The following NKAIN3 variants were observed in gnomAD, a reference collection of about 807,000 sequenced individuals.
NKAIN3 encodes the protein sodium/potassium-transporting ATPase subunit beta-1-interacting protein 3.
Under a neutral mutation model 30.2 loss-of-function variants are expected in NKAIN3, and 25 were observed. The observed-to-expected ratio is 0.83, with a 90% CI of 0.60 to 1.16. The LOEUF (loss-of-function observed/expected upper bound fraction) is 1.16, where lower values mean the gene tolerates loss of function less well. NKAIN3 is among the 50% of genes most tolerant of loss of function. The pLI is 0.00. For missense variants in NKAIN3, 225 were observed against 254.1 expected (o/e 0.89, Z 0.78); for synonymous variants, 91 against 89.6 (o/e 1.02, Z -0.09).
chr8:62,331,020 A>G (rs1489583814), intron 1 of NKAIN3, among the ~76,000 whole-genome samples: 2 of 148,242 alleles, frequency 1.3e-5, no homozygotes, highest in Non-Finnish European at 3.0e-5. Context: ...CTCTATATAT[A>G]TGTATGTATC....
chr8:62,386,022 A>G (rs558283083), intron 1 of NKAIN3, among the ~76,000 whole-genome samples: 3 of 152,310 alleles, frequency 2.0e-5, no homozygotes, highest in South Asian at 4.1e-4. Flanking sequence ...GCTCCTCCAC[A>G]TGGTGGTCTC....
chr8:62,589,382 G>C (rs2130102092), intron 2 of NKAIN3, among the ~76,000 whole-genome samples: 1 of 151,834 alleles, frequency 6.6e-6, no homozygotes, highest in Admixed American at 6.6e-5. Context: ...AGAGCTCACA[G>C]AAGATTTGCA....
At chr8:62,919,290 G>A (rs1409733538) in intron 5 of NKAIN3, among the ~76,000 whole-genome samples, 1 of 118,644 alleles carries the variant, frequency 8.4e-6, no homozygotes, top group Non-Finnish European at 1.6e-5. Flanking sequence ...TGTCGCCCAG[G>A]CTGGAGTGCA....
At chr8:62,563,499 T>G (rs2129987763) in intron 1 of NKAIN3, among the ~76,000 whole-genome samples, 1 of 152,274 alleles carries the variant, frequency 6.6e-6, no homozygotes, top group African/African-American at 2.4e-5. Flanking sequence ...TAGTGCTGCT[T>G]GAAAACAAGT....
At chr8:62,786,927 C>G (rs1817539042) in intron 4 of NKAIN3, among the ~76,000 whole-genome samples, 1 of 152,144 alleles carries the variant, frequency 6.6e-6, no homozygotes, top group African/African-American at 2.4e-5. Flanking sequence ...GGTGAGCTAT[C>G]AAACCCACAG....
chr8:62,496,253 G>A (rs775189230), intron 1 of NKAIN3, among the ~76,000 whole-genome samples: 1 of 152,104 alleles, frequency 6.6e-6, no homozygotes, highest in Non-Finnish European at 1.5e-5. Context: ...CATTATTAAT[G>A]AGGTCCCTTT....
At chr8:62,404,012 G>T (rs904895791) in intron 1 of NKAIN3, among the ~76,000 whole-genome samples, 1 of 152,260 alleles carries the variant, frequency 6.6e-6, no homozygotes, top group African/African-American at 2.4e-5. Flanking sequence ...TGCCCTGGAT[G>T]TGAGACATGA....
intron 4 of NKAIN3, among the ~76,000 whole-genome samples, chr8:62,892,662 C>T (rs1188942673): frequency 6.6e-6 from 1 of 151,550 alleles, no homozygotes; most frequent in Non-Finnish European, 1.5e-5. Context: ...GAAAGGTACT[C>T]TCATGTCAAA....
At chr8:62,423,967 G>GT (rs996266446) in intron 1 of NKAIN3, among the ~76,000 whole-genome samples, 29 of 152,008 alleles carry the variant, frequency 1.9e-4, no homozygotes, top group African/African-American at 5.8e-4. Flanking sequence ...TTTGTGGTCT[G>GT]TTTTTTTGTA....
intron 1 of NKAIN3, among the ~76,000 whole-genome samples, chr8:62,458,519 C>G (rs900352652): frequency 7.9e-5 from 12 of 152,200 alleles, no homozygotes; most frequent in African/African-American, 2.9e-4. Context: ...CTTGAGTCAT[C>G]TGTCACTGTG....
chr8:62,328,214 A>G (rs1159107908), intron 1 of NKAIN3, among the ~76,000 whole-genome samples: 1 of 152,130 alleles, frequency 6.6e-6, no homozygotes, highest in Non-Finnish European at 1.5e-5. Flanking sequence ...ATCTATTACT[A>G]TAATAATGTG....
rs575631055 is a variant in NKAIN3 at position 62,497,615 on chromosome 8, C to T, written c.55-81924C>T. Among the ~76,000 whole-genome samples, 159 of 152,078 alleles carry T rather than the reference C, an allele frequency of 1.0e-3. 1 individual carries two copies. Among genetic ancestry groups the T allele is most frequent in the Non-Finnish European group, 1.4e-3 (94 of 67,960 alleles). On this transcript the variant is annotated intron_variant, in intron 1 of 6. Transcript: ENST00000623646. The stretch of plus-strand genomic sequence containing the variant: ...TGGAGACACACCAGAGAATTTTATT[C>T]TATGTCAGAGGAGGCCAATTACAGT...
At chr8:62,254,733 A>C (rs1812213541) in intron 1 of NKAIN3, among the ~76,000 whole-genome samples, 1 of 152,216 alleles carries the variant, frequency 6.6e-6, no homozygotes, top group South Asian at 2.1e-4. Context: ...GTGGAAGCAA[A>C]GTCAACATAA....
intron 4 of NKAIN3, among the ~76,000 whole-genome samples, chr8:62,777,006 A>C (rs985164142): frequency 1.3e-5 from 2 of 152,160 alleles, no homozygotes; most frequent in African/African-American, 4.8e-5. Flanking sequence ...TTCCTTCAAC[A>C]CTTTAAATAT....
At chr8:62,904,923 C>A (rs562060088) in intron 4 of NKAIN3, among the ~76,000 whole-genome samples, 3 of 152,190 alleles carry the variant, frequency 2.0e-5, no homozygotes, top group East Asian at 1.9e-4. Context: ...GAAGCAGATT[C>A]TCTCCCTGAT....
chr8:62,884,512 C>A (rs2130817757), intron 4 of NKAIN3, among the ~76,000 whole-genome samples: 1 of 152,314 alleles, frequency 6.6e-6, no homozygotes, highest in South Asian at 2.1e-4. Context: ...CCACCTCGGC[C>A]TCCCAAAGTG....
intron 1 of NKAIN3, among the ~76,000 whole-genome samples, chr8:62,564,546 TG>T (rs1255165342): frequency 2.6e-5 from 4 of 152,200 alleles, no homozygotes; most frequent in Non-Finnish European, 5.9e-5. Context: ...TTTCTCCTTG[TG>T]AGGCACATTC....
intron 4 of NKAIN3, among the ~76,000 whole-genome samples, chr8:62,895,945 A>G (rs1821415560): frequency 1.3e-5 from 2 of 149,714 alleles, no homozygotes; most frequent in Admixed American, 6.7e-5. Context: ...AAAACCAAAA[A>G]CTCTGAGAAT....
At chr8:62,583,226 A>C (rs868172607) in intron 2 of NKAIN3, among the ~76,000 whole-genome samples, 10 of 152,160 alleles carry the variant, frequency 6.6e-5, no homozygotes, top group African/African-American at 2.2e-4. Context: ...CCCATGATGA[A>C]ACTGCTGTCA....
Sources: gnomAD v4.1 joint callset for allele counts (sites outside exome capture counted in the v4.1 genomes callset) on GRCh38, gnomAD v4.1.1 for gene constraint, MANE v1.5 for transcripts, NCBI Gene and HGNC (gene_info 2026-07-23, HGNC 2026-07-21) for gene names.